Variants in CCDC136 observed in about 807,000 individuals in gnomAD.
CCDC136 encodes coiled-coil domain-containing protein 136.
In CCDC136, 100 loss-of-function variants were observed where a neutral mutation model predicts 141.2. That is an observed-to-expected ratio of 0.71 (90% CI 0.60 to 0.84). CCDC136 has a LOEUF of 0.84. Among genes scored for constraint, CCDC136 ranks in the 40% least tolerant of loss-of-function variants. The pLI is 0.00. For synonymous variants in CCDC136, 474 were observed against 531.9 expected (o/e 0.89, Z 1.50); for missense variants, 1,206 against 1,379.4 (o/e 0.87, Z 1.99).
chr7:128,817,633 A>C lies in CCDC136; in HGVS notation c.3364-125A>C. 2.4e-6 allele frequency: 2 copies of C among 817,922 alleles called. No homozygotes were observed. Among genetic ancestry groups the C allele is most frequent in the Non-Finnish European group, 4.3e-6 (2 of 461,652 alleles). 50.7% of individuals were successfully genotyped at this position (817,922 alleles called of 1,614,324 possible). ...AACTGCTCTAGCTTACCTGTTTTTT[A>C]ACCTCTTGATTCCTTTCTCTTTTCC... On this transcript the variant is annotated intron_variant, in intron 16 of 17. Coordinates refer to ENST00000297788, the MANE Select transcript of CCDC136 (RefSeq NM_022742.5). This position sits in a 1 kb window ranked among gnomAD's most constrained non-coding sequence, Gnocchi z 4.6.
At position 128,792,079 on chromosome 7, in the gene CCDC136, C is replaced by A. The variant is rs1289577546; in HGVS notation, c.-333C>A. 2 of 1,341,752 alleles carry A rather than the reference C, an allele frequency of 1.5e-6. No homozygotes were observed. The highest frequency in any genetic ancestry group is 1.9e-6 in the Non-Finnish European group (2 of 1,048,662). The allele number at this position is 1,341,752 out of a possible 1,614,324, so 83.1% of individuals were successfully genotyped here. A position where few individuals can be genotyped will look rare whatever the true frequency, so the allele number is the denominator to read the frequency against. On this transcript the variant is annotated 5_prime_UTR_variant, in exon 1 of 18. Coordinates refer to ENST00000297788, the MANE Select transcript of CCDC136 (RefSeq NM_022742.5). Reference sequence around the variant, plus strand: ...CCCGGACTAAATACGCACACCCCCTCTTTCTTTCTGTGCAAGCAAGAGGGT... The same window carrying A: ...CCCGGACTAAATACGCACACCCCCTATTTCTTTCTGTGCAAGCAAGAGGGT...
rs773631073 is a variant in CCDC136, at chr7:128,801,228, A to G, written c.389A>G (p.His130Arg). ...CGGGAGGAGATTTCCCTGTTAGAGC[A>G]TGAGAAAGAAAGCGAACTTAAGGAA... ...SLREEISLLE[H>R]EKESELKEIE... The change falls in exon 4 of 18, where the codon CAT becomes CGT. Residue 130 changes from histidine (H) to arginine (R), a missense_variant. Physicochemically the swap from His to Arg is conservative, Grantham distance 29. Transcript: ENST00000297788. 1 of 1,613,942 alleles carries G rather than the reference A, an allele frequency of 6.2e-7. No individual in the cohort carries two copies. Among genetic ancestry groups the G allele is most frequent in the Non-Finnish European group, 8.5e-7 (1 of 1,179,854 alleles).
chr7:128,795,628 G>C (rs1307868495), intron 3 of CCDC136, among the ~76,000 whole-genome samples: 1 of 152,112 alleles, frequency 6.6e-6, no homozygotes, highest in Admixed American at 6.5e-5. Flanking sequence ...GAGGAGGAAA[G>C]TGGCAGGACA....
chr7:128,804,001 G>C (rs1804450953), intron 4 of CCDC136, among the ~76,000 whole-genome samples: 1 of 151,994 alleles, frequency 6.6e-6, no homozygotes, highest in African/African-American at 2.4e-5. Context: ...TTTTAGTAGA[G>C]ACAGGGGTTT....
chr7:128,801,151 G>T (rs752041746), intron 3 of CCDC136, 35 bp from the exon 4 acceptor site: 3 of 1,521,434 alleles, frequency 2.0e-6, no homozygotes, highest in Non-Finnish European at 2.7e-6. Flanking sequence ...TAGTTCACCT[G>T]CCCTCTTGAT....
At position 128,817,932 on chromosome 7, in the gene CCDC136, T is replaced by C; in HGVS notation, c.*5+68T>C. On this transcript the variant is annotated intron_variant, in intron 17 of 17. Coordinates refer to ENST00000297788, the MANE Select transcript of CCDC136 (RefSeq NM_022742.5). The surrounding 1 kb of genome is among the most constrained non-coding windows in gnomAD (Gnocchi z 4.6). ...GTGCAGGTTGCCCTGGCCTCTCCTCTTTCCCTTTTCTCCCAGCTGCTTGCT... is the reference window on the plus strand; with the variant it reads ...GTGCAGGTTGCCCTGGCCTCTCCTCCTTCCCTTTTCTCCCAGCTGCTTGCT... The C allele has an allele frequency of 8.8e-7, 1 of 1,136,434 alleles. No individual in the cohort carries two copies. The highest frequency in any genetic ancestry group is 1.3e-6 in the Non-Finnish European group (1 of 761,214). 70.4% of individuals were successfully genotyped at this position (1,136,434 alleles called of 1,614,324 possible).
intron 12 of CCDC136, chr7:128,811,331 G>A (rs964906649): frequency 1.8e-5 from 8 of 456,400 alleles, no homozygotes; most frequent in Middle Eastern, 3.2e-4. Flanking sequence ...CAGAATTGGG[G>A]CAGGAGATAC....
At chr7:128,819,680 A>C (rs1405435920) in intron 17 of CCDC136, among the ~76,000 whole-genome samples, 1 of 152,256 alleles carries the variant, frequency 6.6e-6, no homozygotes, top group East Asian at 1.9e-4. Flanking sequence ...TATATGATTA[A>C]ACTAAGGCAT....
chr7:128,807,470 G>C lies in CCDC136; in HGVS notation c.1530G>C (p.Leu510=). The change falls in exon 10 of 18, where the codon CTG becomes CTC. Residue 510 remains leucine (L), a synonymous_variant. Transcript: ENST00000297788. ...HMYDQLEQDL[L]LCQLELKELK... is the part of the protein sequence containing the mutation. ...ATGACCAGCTGGAGCAGGACCTCCTGCTCTGCCAGCTGGAGCTGAAAGAGC... is the reference window on the plus strand; with the variant it reads ...ATGACCAGCTGGAGCAGGACCTCCTCCTCTGCCAGCTGGAGCTGAAAGAGC... 3 of 1,550,290 alleles carry C rather than the reference G, an allele frequency of 1.9e-6. No individual in the cohort carries two copies. Among genetic ancestry groups the C allele is most frequent in the Non-Finnish European group, 2.6e-6 (3 of 1,147,502 alleles).
chr7:128,799,771 C>G (rs1282063668), intron 3 of CCDC136, among the ~76,000 whole-genome samples: 2 of 152,094 alleles, frequency 1.3e-5, no homozygotes, highest in African/African-American at 4.8e-5. Context: ...AATCCTGACC[C>G]TCCCAACCCA....
intron 3 of CCDC136, among the ~76,000 whole-genome samples, chr7:128,800,593 C>A (rs908884321): frequency 6.6e-6 from 1 of 152,164 alleles, no homozygotes; most frequent in Admixed American, 6.5e-5. Context: ...CTGCTCCCAG[C>A]CTATCATCAA....
intron 17 of CCDC136, among the ~76,000 whole-genome samples, chr7:128,819,480 T>C (rs1807143134): frequency 6.6e-6 from 1 of 152,244 alleles, no homozygotes; most frequent in African/African-American, 2.4e-5. Context: ...CACAGGTTTT[T>C]GTCAGGACCA....
rs1804651496 is a variant in CCDC136 at position 128,805,245 on chromosome 7, A to G, written c.783-114A>G. ...GTTTATCTGAGCGGTGAGTCACAATAGAAGGCCCCTTACTATCTTTGGCCT... is the reference window on the plus strand; with the variant it reads ...GTTTATCTGAGCGGTGAGTCACAATGGAAGGCCCCTTACTATCTTTGGCCT... On this transcript the variant is annotated intron_variant, in intron 5 of 17. Coordinates refer to ENST00000297788, the MANE Select transcript of CCDC136 (RefSeq NM_022742.5). The surrounding 1 kb of genome is among the most constrained non-coding windows in gnomAD (Gnocchi z 4.6). 6.0e-6 allele frequency: 5 copies of G among 830,858 alleles called. No homozygotes were observed. The highest frequency in any genetic ancestry group is 3.4e-5 in the African/African-American group (2 of 59,454). 51.5% of individuals were successfully genotyped at this position (830,858 alleles called of 1,614,324 possible). A position where few individuals can be genotyped will look rare whatever the true frequency, so the allele number is the denominator to read the frequency against.
Position 128,807,427 on chromosome 7 carries a change from A to G in CCDC136, c.1487A>G (p.Glu496Gly). Reference protein sequence around the residue: ...QLYQASKDELERQKHMYDQLE... With the variant: ...QLYQASKDELGRQKHMYDQLE... Reference sequence around the variant, plus strand: ...TACCAGGCCAGCAAGGACGAGCTGGAGCGGCAGAAGCACATGTATGACCAG... The same window carrying G: ...TACCAGGCCAGCAAGGACGAGCTGGGGCGGCAGAAGCACATGTATGACCAG... Residue 496 changes from glutamate to glycine, a missense_variant, in exon 10 of 18, where the codon GAG becomes GGG. By Grantham distance (98) the Glu-to-Gly change is moderately conservative. Transcript: ENST00000297788. 1 of 1,578,496 alleles carries G rather than the reference A, an allele frequency of 6.3e-7. No individual in the cohort carries two copies.
At position 128,796,737 on chromosome 7, in the gene CCDC136, A is replaced by AT. The variant is rs1236842533; in HGVS notation, c.346+1970dup. On this transcript the variant is annotated intron_variant, in intron 3 of 17. Coordinates refer to ENST00000297788, the MANE Select transcript of CCDC136 (RefSeq NM_022742.5). ...GATGATTCAGAATATATATATATATATATTCTTTTTTTTTTTTTTTTTGAG... is the reference window on the plus strand; with the variant it reads ...GATGATTCAGAATATATATATATATATTATTCTTTTTTTTTTTTTTTTTGAG... Among the ~76,000 whole-genome samples the AT allele has an allele frequency of 1.0e-4, 12 of 119,116 alleles. No homozygotes were observed. In the South Asian group the frequency reaches 2.6e-3, roughly 25 times the overall value. The allele number at this position is 119,116 out of a possible 152,430, so 78.1% of individuals were successfully genotyped here.
chr7:128,801,191 C>G lies in CCDC136; in HGVS notation c.352C>G (p.Leu118Val). 6.2e-7 allele frequency: 1 copy of G among 1,610,418 alleles called. No individual in the cohort carries two copies. The highest frequency in any genetic ancestry group is 8.5e-7 in the Non-Finnish European group (1 of 1,177,028). Residue 118 changes from leucine (L) to valine (V), a missense_variant, in exon 4 of 18, where the codon CTG becomes GTG. Leu to Val is a conservative substitution (Grantham distance 32, BLOSUM62 1). Coordinates refer to ENST00000297788, the MANE Select transcript of CCDC136 (RefSeq NM_022742.5). ...TCAACCTTTGGACTTTGCAGGTGAG[C>G]TGCGTTCTCTACGGGAGGAGATTTC... ...TKQIQQLQGE[L>V]RSLREEISLL...
chr7:128,802,841 A>T (rs1228246005), intron 4 of CCDC136, among the ~76,000 whole-genome samples: 3 of 149,914 alleles, frequency 2.0e-5, no homozygotes, highest in African/African-American at 7.5e-5. Context: ...TTATTTAAAG[A>T]AGAAAAAAAC....
chr7:128,791,918 G>A (rs1160134753), upstream of CCDC136: 32 of 599,628 alleles, frequency 5.3e-5, no homozygotes, highest in Non-Finnish European at 7.4e-5. This position sits in a 1 kb window ranked among gnomAD's most constrained non-coding sequence, Gnocchi z 7.1. Context: ...AGAGGGGAGG[G>A]GAGCGGTCGC....
In CCDC136 at chr7:128,794,431, G is replaced by A. The variant is rs201497246; in HGVS notation, c.100G>A (p.Val34Met). 3.3e-4 allele frequency: 512 copies of A among 1,553,164 alleles called. 1 individual carries two copies. The Admixed American group carries it at 4.4e-3, about 13-fold the overall frequency. Reference sequence around the variant, plus strand: ...AGAGGTGGAAGAAGAAGAAGAACAAGTGCAGAAAGGTGGCAGTGTTGGCTC... The same window carrying A: ...AGAGGTGGAAGAAGAAGAAGAACAAATGCAGAAAGGTGGCAGTGTTGGCTC... ...EEEVEEEEEQVQKGGSVGSLS... is the reference protein window; with the variant it reads ...EEEVEEEEEQMQKGGSVGSLS... Residue 34 changes from valine (V) to methionine (M), a missense_variant, in exon 2 of 18, where the codon GTG becomes ATG. By Grantham distance (21) the Val-to-Met change is conservative (BLOSUM62 1). Coordinates refer to ENST00000297788, the MANE Select transcript of CCDC136 (RefSeq NM_022742.5). The surrounding 1 kb of genome is among the most constrained non-coding windows in gnomAD (Gnocchi z 4.3).
Sources: allele counts gnomAD v4.1 joint callset (sites outside exome capture counted in the v4.1 genomes callset), GRCh38; gene constraint gnomAD v4.1.1; non-coding constraint Gnocchi (gnomAD v3.1); transcripts MANE v1.5; gene names NCBI Gene and HGNC (gene_info 2026-07-23, HGNC 2026-07-21).